The following LHFPL3 variants were observed in gnomAD, a reference collection of about 807,000 sequenced individuals.
The protein encoded by LHFPL3 is LHFPL tetraspan subfamily member 3.
A neutral mutation model predicts 19.3 loss-of-function variants in LHFPL3; 5 were observed. The observed-to-expected ratio is 0.26, with a 90% CI of 0.14 to 0.54. The LOEUF is 0.54. LHFPL3 is among the 20% of genes least tolerant of loss of function. The pLI, the probability that LHFPL3 is intolerant of heterozygous loss-of-function variation, is 0.94. For missense variants in LHFPL3, 249 were observed against 307.4 expected (o/e 0.81, Z 1.42); for synonymous variants, 133 against 126.2 (o/e 1.05, Z -0.36).
chr7:104,663,130 TTGAAAGTTTTCTAGTTC>T (rs1187494131), intron 1 of LHFPL3, among the ~76,000 whole-genome samples: 1 of 152,218 alleles, frequency 6.6e-6, no homozygotes, highest in East Asian at 1.9e-4. Flanking sequence ...ACTTAAGAAC[TTGAAAGTTTTCTAGTTC>T]CTCCTTTTGA....
chr7:104,475,971 T>A (rs1793003229), intron 1 of LHFPL3, among the ~76,000 whole-genome samples: 1 of 150,246 alleles, frequency 6.7e-6, no homozygotes, highest in Non-Finnish European at 1.5e-5. Context: ...CTGACTCTAG[T>A]CTATTTTAGA....
intron 1 of LHFPL3, among the ~76,000 whole-genome samples, chr7:104,558,177 C>A (rs1184946852): frequency 4.6e-5 from 7 of 151,516 alleles, no homozygotes; most frequent in Non-Finnish European, 1.0e-4. Context: ...GATTTATAGT[C>A]CTTTGGGTAT....
At chr7:104,803,853 A>G (rs1380508710) in intron 2 of LHFPL3, 1 of 152,218 alleles carries the variant, frequency 6.6e-6, no homozygotes, top group Non-Finnish European at 1.5e-5. Context: ...TATTATTTAC[A>G]TAGTTTTGGT....
At chr7:104,516,813 A>G (rs955190024) in intron 1 of LHFPL3, among the ~76,000 whole-genome samples, 2 of 152,184 alleles carry the variant, frequency 1.3e-5, no homozygotes, top group African/African-American at 4.8e-5. Flanking sequence ...CCAAAGGAAT[A>G]TAAATCATTC....
chr7:104,512,795 A>G (rs952837756), intron 1 of LHFPL3, among the ~76,000 whole-genome samples: 9 of 152,118 alleles, frequency 5.9e-5, no homozygotes, highest in Non-Finnish European at 1.2e-4. Flanking sequence ...AAAGGCAGCT[A>G]GCCAGCTGAC....
intron 2 of LHFPL3, among the ~76,000 whole-genome samples, chr7:104,792,626 C>T (rs147893546): frequency 6.6e-6 from 1 of 152,268 alleles, no homozygotes; most frequent in East Asian, 1.9e-4. Context: ...TATAACTTTA[C>T]CCCCTTCACT....
At chr7:104,612,820 C>G (rs1791236445) in intron 1 of LHFPL3, among the ~76,000 whole-genome samples, 1 of 152,142 alleles carries the variant, frequency 6.6e-6, no homozygotes, top group South Asian at 2.1e-4. Flanking sequence ...TTATTCTCTT[C>G]CTTCTCCTCC....
intron 1 of LHFPL3, among the ~76,000 whole-genome samples, chr7:104,338,383 A>G (rs6979200): frequency 0.39 from 58,645 of 151,778 alleles, 11,699 homozygotes; most frequent in Middle Eastern, 0.53. Context: ...GCAGATGTGA[A>G]CCACTGCGCC....
intron 2 of LHFPL3, among the ~76,000 whole-genome samples, chr7:104,788,341 C>T (rs1282475882): frequency 6.6e-6 from 1 of 152,156 alleles, no homozygotes; most frequent in Admixed American, 6.5e-5. Context: ...CAGAGATGCT[C>T]CCTCCTGAGT....
chr7:104,845,581 T>A, intron 2 of LHFPL3: 8 of 446,760 alleles, frequency 1.8e-5, no homozygotes, highest in Non-Finnish European at 2.1e-5. Context: ...ATAAATCTTC[T>A]GTCTTTGTTC....
At chr7:104,706,253 A>C (rs79647213) in intron 1 of LHFPL3, among the ~76,000 whole-genome samples, 10 of 152,254 alleles carry the variant, frequency 6.6e-5, no homozygotes, top group Non-Finnish European at 1.2e-4. Flanking sequence ...CAGCACAAAA[A>C]TTCCAGGGCA....
intron 1 of LHFPL3, among the ~76,000 whole-genome samples, chr7:104,529,471 A>T (rs1300552037): frequency 6.6e-6 from 1 of 152,138 alleles, no homozygotes. Context: ...CTCTTCAGAA[A>T]AACTCAATCT....
intron 1 of LHFPL3, among the ~76,000 whole-genome samples, chr7:104,717,045 C>G (rs1793400807): frequency 6.6e-6 from 1 of 152,128 alleles, no homozygotes; most frequent in Admixed American, 6.6e-5. Flanking sequence ...TAATCTTCTA[C>G]AGGTGTACCA....
At chr7:104,609,076 C>T (rs1427447505) in intron 1 of LHFPL3, among the ~76,000 whole-genome samples, 1 of 151,874 alleles carries the variant, frequency 6.6e-6, no homozygotes, top group Non-Finnish European at 1.5e-5. Context: ...ACCAGCCTGA[C>T]CAACATGGTG....
intron 2 of LHFPL3, among the ~76,000 whole-genome samples, chr7:104,744,514 C>T (rs991774882): frequency 3.3e-5 from 5 of 152,148 alleles, no homozygotes; most frequent in Non-Finnish European, 7.3e-5. Context: ...TTCAGAAGGG[C>T]TCAAGTTAAT....
At chr7:104,490,816 C>T (rs1793329978) in intron 1 of LHFPL3, among the ~76,000 whole-genome samples, 1 of 152,170 alleles carries the variant, frequency 6.6e-6, no homozygotes, top group African/African-American at 2.4e-5. Flanking sequence ...TCTAATAGCA[C>T]TCTCTGGAAT....
At chr7:104,833,028 A>ATAATATATCTC in intron 2 of LHFPL3, among the ~76,000 whole-genome samples, 1 of 6,422 alleles carries the variant, frequency 1.6e-4, no homozygotes, top group Non-Finnish European at 4.7e-4. Context: ...TATAATAGAT[A>ATAATATATCTC]TATTATATAT....
intron 1 of LHFPL3, among the ~76,000 whole-genome samples, chr7:104,595,818 C>G (rs952079205): frequency 2.0e-5 from 3 of 152,242 alleles, no homozygotes; most frequent in African/African-American, 7.2e-5. Flanking sequence ...GGATCTCAGA[C>G]TGCTGCATTA....
At chr7:104,487,802 T>A (rs2115680225) in intron 1 of LHFPL3, among the ~76,000 whole-genome samples, 1 of 152,348 alleles carries the variant, frequency 6.6e-6, no homozygotes, top group Admixed American at 6.5e-5. Flanking sequence ...TCACTCCATA[T>A]ATGATGTTTG....
Sources: gnomAD v4.1 joint callset for allele counts (sites outside exome capture counted in the v4.1 genomes callset) on GRCh38, gnomAD v4.1.1 for gene constraint, MANE v1.5 for transcripts, NCBI Gene and HGNC (gene_info 2026-07-23, HGNC 2026-07-21) for gene names.